DYSF: variants seen among roughly 807,000 people sequenced by gnomAD.
The protein encoded by DYSF is dystrophy-associated fer-1-like 1.
In DYSF, 212 loss-of-function variants were observed where a neutral mutation model predicts 274.9. The observed-to-expected ratio is 0.77, with a 90% CI of 0.69 to 0.86. The LOEUF is 0.86. Ranked by LOEUF, DYSF falls within the 40% of genes least tolerant of loss-of-function variation. The pLI is 0.00. For synonymous variants in DYSF, 1,091 were observed against 1,078.7 expected, an observed-to-expected ratio of 1.01 and a Z score of -0.22; for missense variants, 2,666 against 2,783.2, an observed-to-expected ratio of 0.96 and a Z score of 0.95.
chr2:71,583,043 CAAAAAAAAAAAA>C (rs143738269), intron 30 of DYSF, among the ~76,000 whole-genome samples: 2 of 49,950 alleles, frequency 4.0e-5, no homozygotes, highest in Middle Eastern at 0.03. Flanking sequence ...GACTCCATCT[CAAAAAAAAAAAA>C]AAAAAAAAAA....
intron 1 of DYSF, among the ~76,000 whole-genome samples, chr2:71,457,409 C>T (rs1171060265): frequency 1.3e-5 from 2 of 152,094 alleles, no homozygotes; most frequent in Non-Finnish European, 2.9e-5. Context: ...GGCTCCTGAG[C>T]CCCCACAATA....
intron 42 of DYSF, among the ~76,000 whole-genome samples, chr2:71,655,756 C>G (rs1371958903): frequency 6.6e-6 from 1 of 152,256 alleles, no homozygotes; most frequent in East Asian, 1.9e-4. Flanking sequence ...CCACCCTTTG[C>G]TCATTCATAA....
intron 42 of DYSF, among the ~76,000 whole-genome samples, chr2:71,651,737 T>C (rs1162318225): frequency 6.6e-6 from 1 of 152,138 alleles, no homozygotes; most frequent in Non-Finnish European, 1.5e-5. Flanking sequence ...ATGACATGAA[T>C]ATATATGAAA....
At chr2:71,534,223 C>A (rs2089059367) in intron 14 of DYSF, among the ~76,000 whole-genome samples, 1 of 152,214 alleles carries the variant, frequency 6.6e-6, no homozygotes, top group Admixed American at 6.5e-5. Flanking sequence ...CAGGGCTTAT[C>A]ATAGTAAATG....
intron 4 of DYSF, among the ~76,000 whole-genome samples, chr2:71,510,160 C>T (rs2085936630): frequency 6.6e-6 from 1 of 152,232 alleles, no homozygotes; most frequent in Non-Finnish European, 1.5e-5. Context: ...CATCTTGTAT[C>T]TTCCCTGCCC....
chr2:71,474,827 A>G (rs751724150), intron 1 of DYSF, among the ~76,000 whole-genome samples: 1 of 152,206 alleles, frequency 6.6e-6, no homozygotes, highest in Non-Finnish European at 1.5e-5. Context: ...TCGCTCAGTT[A>G]AGGAAGCCTG....
At chr2:71,679,628 G>C (rs1313893556) in intron 53 of DYSF, among the ~76,000 whole-genome samples, 1 of 152,118 alleles carries the variant, frequency 6.6e-6, no homozygotes, top group East Asian at 1.9e-4. Flanking sequence ...CTCTCTGAGA[G>C]GTCTGCTTAG....
At chr2:71,612,490 G>T in intron 38 of DYSF, 151 bp from the exon 39 acceptor site, 4 of 1,197,868 alleles carry the variant, frequency 3.3e-6, no homozygotes, top group South Asian at 2.9e-5. Context: ...GTGTGGCTTC[G>T]CTCGACTGCC....
At position 71,664,297 on chromosome 2, in the gene DYSF, T is replaced by A. The variant is rs748528655; in HGVS notation, c.5033T>A (p.Leu1678Gln). Reference sequence around the variant, plus strand: ...TTCGAGCTGACCTGCACTCTGCCTCTGGAGAAGGACCTAAAGATCACTCTC... The same window carrying A: ...TTCGAGCTGACCTGCACTCTGCCTCAGGAGAAGGACCTAAAGATCACTCTC... ...KMFELTCTLP[L>Q]EKDLKITLYD... The change falls in exon 46 of 56, where the codon CTG becomes CAG. Residue 1678 changes from leucine to glutamine, a missense_variant. Transcript: ENST00000410020. 19 of 1,614,084 alleles carry A rather than the reference T, an allele frequency of 1.2e-5. No homozygotes were observed. In the South Asian group the frequency reaches 2.1e-4, roughly 18 times the overall value.
chr2:71,506,919 G>C (rs537461592), intron 4 of DYSF, among the ~76,000 whole-genome samples: 1 of 152,258 alleles, frequency 6.6e-6, no homozygotes, highest in African/African-American at 2.4e-5. Context: ...ACCTGTGCTG[G>C]AAGTCTCATT....
At chr2:71,574,423 C>T in intron 30 of DYSF, 52 bp downstream of exon 30, 2 of 1,593,176 alleles carry the variant, frequency 1.3e-6, no homozygotes, top group African/African-American at 2.7e-5. Context: ...CTTGGTTTCC[C>T]AGGGCTGTTC....
chr2:71,679,371 CCT>C (rs1267583090), intron 53 of DYSF, 136 bp downstream of exon 53: 11 of 886,654 alleles, frequency 1.2e-5, no homozygotes, highest in Middle Eastern at 3.4e-4. Flanking sequence ...CCCCATCCCC[CCT>C]CTCTCTCTAT....
At chr2:71,584,160 C>G (rs1169527807) in intron 30 of DYSF, among the ~76,000 whole-genome samples, 3 of 100,022 alleles carry the variant, frequency 3.0e-5, no homozygotes, top group Non-Finnish European at 5.7e-5. Flanking sequence ...GGCCCTGGGG[C>G]TGGGCAAGAG....
chr2:71,484,688 T>C (rs761221917), intron 3 of DYSF, among the ~76,000 whole-genome samples: 2 of 152,226 alleles, frequency 1.3e-5, no homozygotes, highest in African/African-American at 4.8e-5. Context: ...TCCCTGCCTC[T>C]GGATTCTACT....
chr2:71,634,674 A>G (rs2094368324), intron 41 of DYSF, among the ~76,000 whole-genome samples: 1 of 152,196 alleles, frequency 6.6e-6, no homozygotes. Context: ...CCCGGTAATC[A>G]TCAACATTTT....
intron 22 of DYSF, among the ~76,000 whole-genome samples, chr2:71,558,706 CTCTCCTGGGGTTGG>C (rs2091505268): frequency 2.0e-5 from 3 of 152,190 alleles, no homozygotes; most frequent in Admixed American, 2.0e-4. Context: ...CTTTGAGTCA[CTCTCCTGGGGTTGG>C]AAGAGTGGCT....
rs556273072 is a variant in DYSF at position 71,643,549 on chromosome 2, G to T, written c.4528-416G>T. ...AATTTTCCTGGATCTACTGCATTTT[G>T]TTCATAAATAATACATTATTGACAT... is the stretch of plus-strand genomic sequence containing the variant. On this transcript the variant is annotated intron_variant, in intron 41 of 55. Coordinates refer to ENST00000410020, the MANE Select transcript of DYSF (RefSeq NM_001130987.2). Among the ~76,000 whole-genome samples, 340 of 152,246 alleles carry T rather than the reference G, an allele frequency of 2.2e-3. 2 individuals are homozygous for T. The highest frequency in any genetic ancestry group is 6.8e-3 in the Middle Eastern group (2 of 294).
At chr2:71,671,723 C>T (rs924115033) in intron 51 of DYSF, among the ~76,000 whole-genome samples, 1 of 152,142 alleles carries the variant, frequency 6.6e-6, no homozygotes, top group Non-Finnish European at 1.5e-5. Context: ...GAGAGGGTTA[C>T]CCGGCAGTTC....
Position 71,574,297 on chromosome 2 carries a change from C to T in DYSF, c.3328C>T (p.Arg1110Cys), listed in dbSNP as rs758284713. The T allele has an allele frequency of 3.5e-5, 57 of 1,613,958 alleles. 1 individual carries two copies. Among genetic ancestry groups the T allele is most frequent in the Admixed American group, 3.3e-4 (20 of 60,008 alleles). The change falls in exon 30 of 56, where the codon CGC becomes TGC. Residue 1110 changes from arginine to cysteine, a missense_variant. Arg to Cys is a radical substitution (Grantham distance 180, BLOSUM62 -3). Transcript: ENST00000410020. ...CCGCAAGACAGATGCCTTCCGCCGC[C>T]GCCGCTGGCGCCGTCGCATGGAGCC... ...EYRKTDAFRR[R>C]RWRRRMEPLE...
Sources: gnomAD v4.1 joint callset for allele counts (sites outside exome capture counted in the v4.1 genomes callset) on GRCh38, gnomAD v4.1.1 for gene constraint, MANE v1.5 for transcripts, NCBI Gene and HGNC (gene_info 2026-07-23, HGNC 2026-07-21) for gene names.